The following MAGI2 variants were observed in gnomAD, a reference collection of about 807,000 sequenced individuals.
MAGI2 encodes the protein membrane-associated guanylate kinase, WW and PDZ domain-containing protein 2.
MAGI2 carries 35 observed loss-of-function variants against 133.3 expected under a neutral mutation model. The observed-to-expected ratio is 0.26, with a 90% CI of 0.20 to 0.35. The LOEUF (loss-of-function observed/expected upper bound fraction) is 0.35. Among genes scored for constraint, MAGI2 ranks in the 10% least tolerant of loss-of-function variants. MAGI2 has a pLI of 1.00. For missense variants in MAGI2, 1,636 were observed against 1,863.4 expected (o/e 0.88, Z 2.25); for synonymous variants, 729 against 710.6 (o/e 1.03, Z -0.41).
At chr7:78,436,715 C>G (rs1389634762) in intron 6 of MAGI2, among the ~76,000 whole-genome samples, 2 of 152,140 alleles carry the variant, frequency 1.3e-5, no homozygotes, top group Non-Finnish European at 2.9e-5. Flanking sequence ...CACTCACGGA[C>G]CCTCTCTATA....
intron 1 of MAGI2, among the ~76,000 whole-genome samples, chr7:79,322,640 C>T (rs562028794): frequency 6.6e-6 from 1 of 151,928 alleles, no homozygotes; most frequent in South Asian, 2.1e-4. Flanking sequence ...CAAAAATTAG[C>T]CGGGCCATAG....
intron 2 of MAGI2, among the ~76,000 whole-genome samples, chr7:78,862,113 G>C (rs987088313): frequency 6.6e-6 from 1 of 152,202 alleles, no homozygotes; most frequent in Non-Finnish European, 1.5e-5. Flanking sequence ...TGTATTTGCA[G>C]TTAATTTTTT....
chr7:78,659,987 C>G (rs536405661), intron 2 of MAGI2, among the ~76,000 whole-genome samples: 1 of 152,212 alleles, frequency 6.6e-6, no homozygotes, highest in African/African-American at 2.4e-5. Flanking sequence ...ATGGATGAAG[C>G]TGGAAACCAT....
At chr7:79,023,407 C>A (rs1002010453) in intron 1 of MAGI2, among the ~76,000 whole-genome samples, 1 of 152,140 alleles carries the variant, frequency 6.6e-6, no homozygotes, top group Non-Finnish European at 1.5e-5. Flanking sequence ...TGGAAGAATT[C>A]TCCTTGAAAA....
intron 3 of MAGI2, among the ~76,000 whole-genome samples, chr7:78,589,464 C>T (rs1803764266): frequency 6.6e-6 from 1 of 152,172 alleles, no homozygotes; most frequent in Non-Finnish European, 1.5e-5. Context: ...TGCCATATTT[C>T]CTCTCAAACA....
At chr7:78,036,155 T>A (rs1310733305) in intron 21 of MAGI2, among the ~76,000 whole-genome samples, 1 of 152,192 alleles carries the variant, frequency 6.6e-6, no homozygotes, top group East Asian at 1.9e-4. Flanking sequence ...AGTAGCTGAC[T>A]TTGTTATGTC....
chr7:78,406,447 C>A (rs1320312028), intron 6 of MAGI2, among the ~76,000 whole-genome samples: 1 of 151,894 alleles, frequency 6.6e-6, no homozygotes, highest in East Asian at 1.9e-4. Flanking sequence ...ATATTTTCCC[C>A]TTTGGACTAA....
chr7:78,830,485 C>T lies in MAGI2; in HGVS notation c.418+176605G>A, dbSNP rs546223987. Reference sequence around the variant, plus strand: ...CTATCATCTACATTTCCACTCCATTCTGCATCCATTCTATAATTTTGTTTT... The same window carrying T: ...CTATCATCTACATTTCCACTCCATTTTGCATCCATTCTATAATTTTGTTTT... On this transcript the variant is annotated intron_variant, in intron 2 of 21. Coordinates refer to ENST00000354212, the MANE Select transcript of MAGI2 (RefSeq NM_012301.4). Among the ~76,000 whole-genome samples the T allele has an allele frequency of 3.3e-5, 5 of 152,254 alleles. No individual in the cohort carries two copies. The South Asian group carries it at 1.0e-3, about 32-fold the overall frequency.
rs1822559064 is a variant in MAGI2, at chr7:78,139,822, C to A, written c.2846-4616G>T. Among the ~76,000 whole-genome samples, 3 of 152,036 alleles carry A rather than the reference C, an allele frequency of 2.0e-5. No homozygotes were observed. In the South Asian group the frequency reaches 6.2e-4, roughly 31 times the overall value. On this transcript the variant is annotated intron_variant, in intron 16 of 21. Transcript: ENST00000354212. ...CTCATAAATTATGGAAAAAAGAAAC[C>A]CAGCTTTTCTATGTCTTTATTCCTT...
intron 8 of MAGI2, 130 bp from the exon 9 acceptor site, chr7:78,344,090 A>G (rs894846650): frequency 4.3e-6 from 3 of 705,050 alleles, no homozygotes; most frequent in Non-Finnish European, 4.7e-6. Flanking sequence ...AGCAAATGCA[A>G]GCAGGTGGTG....
chr7:78,175,976 C>CT (rs1826559528), intron 14 of MAGI2, among the ~76,000 whole-genome samples: 1 of 152,108 alleles, frequency 6.6e-6, no homozygotes, highest in Non-Finnish European at 1.5e-5. Context: ...GCGTTAAATG[C>CT]TTACAGATAT....
intron 3 of MAGI2, among the ~76,000 whole-genome samples, chr7:78,586,881 C>T (rs1370848195): frequency 6.6e-6 from 1 of 152,190 alleles, no homozygotes; most frequent in African/African-American, 2.4e-5. Flanking sequence ...CAATGTTCAT[C>T]CATGTTGTAG....
chr7:78,475,276 T>C (rs1791629183), intron 6 of MAGI2, among the ~76,000 whole-genome samples: 1 of 151,976 alleles, frequency 6.6e-6, no homozygotes, highest in Non-Finnish European at 1.5e-5. Flanking sequence ...ACAAAAATCA[T>C]GCAGCATCTT....
intron 1 of MAGI2, among the ~76,000 whole-genome samples, chr7:79,241,107 T>C (rs1832374149): frequency 6.6e-6 from 1 of 152,192 alleles, no homozygotes; most frequent in South Asian, 2.1e-4. Context: ...TGGTCACTGA[T>C]GTCTCCGTTG....
At chr7:78,838,520 G>A (rs1052274455) in intron 2 of MAGI2, among the ~76,000 whole-genome samples, 5 of 150,674 alleles carry the variant, frequency 3.3e-5, no homozygotes, top group African/African-American at 1.2e-4. Flanking sequence ...GTGTGTGTGT[G>A]TGTGTGTGTG....
chr7:78,535,891 T>TC (rs1797853997), intron 3 of MAGI2, among the ~76,000 whole-genome samples: 1 of 67,920 alleles, frequency 1.5e-5, no homozygotes, highest in African/African-American at 7.8e-5. Context: ...GCCCACCGCC[T>TC]CCCCCCAACA....
chr7:78,301,343 G>T (rs1222645332), intron 9 of MAGI2, among the ~76,000 whole-genome samples: 1 of 152,148 alleles, frequency 6.6e-6, no homozygotes, highest in African/African-American at 2.4e-5. Flanking sequence ...CCATATCACA[G>T]TTACATCCCC....
In MAGI2 at chr7:78,833,419, C is replaced by A. The variant is rs549200723; in HGVS notation, c.418+173671G>T. On this transcript the variant is annotated intron_variant, in intron 2 of 21. Transcript: ENST00000354212. ...GCATCAAGGGACCAGAAGGCAGTGA[C>A]CCCCCTGGACTCAGCTTTCACTATC... Among the ~76,000 whole-genome samples, 110 of 152,238 alleles carry A rather than the reference C, an allele frequency of 7.2e-4. 1 individual carries two copies. The highest frequency in any genetic ancestry group is 2.6e-3 in the African/African-American group (109 of 41,570).
At chr7:78,558,331 G>A (rs1800037893) in intron 3 of MAGI2, among the ~76,000 whole-genome samples, 1 of 152,034 alleles carries the variant, frequency 6.6e-6, no homozygotes, top group Non-Finnish European at 1.5e-5. Context: ...GATTCACTGT[G>A]GTTCAAATTC....
Sources: allele counts gnomAD v4.1 joint callset (sites outside exome capture counted in the v4.1 genomes callset), GRCh38; gene constraint gnomAD v4.1.1; transcripts MANE v1.5; gene names NCBI Gene and HGNC (gene_info 2026-07-23, HGNC 2026-07-21).